Variants in DOCK3 observed in about 807,000 individuals in gnomAD.
DOCK3 encodes dedicator of cytokinesis protein 3.
DOCK3 carries 60 observed loss-of-function variants against 265.6 expected under a neutral mutation model. The ratio of observed to expected loss-of-function variants is 0.23; its 90% CI spans 0.18 to 0.28. The LOEUF is 0.28. Ranked by LOEUF, DOCK3 falls within the 10% of genes least tolerant of loss-of-function variation. The pLI, the probability that DOCK3 is intolerant of heterozygous loss-of-function variation, is 1.00. For synonymous variants in DOCK3, 881 were observed against 938.0 expected (o/e 0.94, Z 1.11); for missense variants, 1,981 against 2,594.3 (o/e 0.76, Z 5.14).
At chr3:50,756,282 CAT>C (rs1344888077) in intron 1 of DOCK3, among the ~76,000 whole-genome samples, 2 of 152,136 alleles carry the variant, frequency 1.3e-5, no homozygotes, top group East Asian at 3.9e-4. Flanking sequence ...CATTTTGCCT[CAT>C]AATGTGCATG....
chr3:51,324,565 A>C (rs537229749), intron 32 of DOCK3, among the ~76,000 whole-genome samples: 19 of 152,336 alleles, frequency 1.2e-4, no homozygotes, highest in African/African-American at 4.3e-4. Flanking sequence ...GAAAAAAACT[A>C]CTTTAAATTT....
At chr3:50,891,778 T>A (rs913543471) in intron 4 of DOCK3, among the ~76,000 whole-genome samples, 2 of 151,712 alleles carry the variant, frequency 1.3e-5, no homozygotes, top group African/African-American at 2.4e-5. Flanking sequence ...AGAAATAGAG[T>A]GCCTTAGAAA....
chr3:51,280,264 G>C, intron 27 of DOCK3, 60 bp downstream of exon 27: 1 of 1,498,820 alleles, frequency 6.7e-7, no homozygotes, highest in African/African-American at 1.4e-5. Context: ...CTCCCCAGGG[G>C]CTTTTTCCCT....
rs2088995326 is a variant in DOCK3 at position 51,204,001 on chromosome 3, T to C, written c.1038-4773T>C. Among the ~76,000 whole-genome samples the C allele has an allele frequency of 3.3e-5, 5 of 151,918 alleles. No individual in the cohort carries two copies. The East Asian group carries it at 5.8e-4, about 18-fold the overall frequency. On this transcript the variant is annotated intron_variant, in intron 12 of 52. Coordinates refer to ENST00000266037, the MANE Select transcript of DOCK3 (RefSeq NM_004947.5). ...AACTGGATCCCTTCCTTACACCTTA[T>C]ACAAAAATCAATTCAAGATGGATTA...
chr3:51,357,721 G>T, intron 44 of DOCK3, 37 bp from the exon 45 acceptor site: 1 of 1,609,864 alleles, frequency 6.2e-7, no homozygotes, highest in South Asian at 1.1e-5. Context: ...TAGTAGTCCT[G>T]GGAAGAGTCT....
chr3:50,979,738 G>C (rs931302303), intron 5 of DOCK3, among the ~76,000 whole-genome samples: 1 of 152,108 alleles, frequency 6.6e-6, no homozygotes, highest in African/African-American at 2.4e-5. Context: ...TTGCTTTCTC[G>C]ATTTCTTCTT....
intron 4 of DOCK3, among the ~76,000 whole-genome samples, chr3:50,904,802 G>A (rs1437196247): frequency 2.0e-5 from 3 of 151,958 alleles, no homozygotes; most frequent in Non-Finnish European, 4.4e-5. Flanking sequence ...GTCTATTTTT[G>A]CTTTTGTTGC....
intron 1 of DOCK3, among the ~76,000 whole-genome samples, chr3:50,768,275 A>C (rs1472059226): frequency 2.0e-5 from 3 of 152,096 alleles, no homozygotes; most frequent in Non-Finnish European, 4.4e-5. Flanking sequence ...AGCTCTTATT[A>C]TTTTGAGATA....
chr3:50,885,557 G>A (rs1168011619), intron 3 of DOCK3, among the ~76,000 whole-genome samples: 1 of 152,092 alleles, frequency 6.6e-6, no homozygotes, highest in Non-Finnish European at 1.5e-5. Context: ...TCACTAGTAT[G>A]CCATTATTTC....
In DOCK3 at chr3:51,104,752, G is replaced by A. The variant is rs561278697; in HGVS notation, c.746+14368G>A. 2.6e-5 allele frequency among the ~76,000 whole-genome samples: 4 copies of A among 152,256 alleles called. No homozygotes were observed. In the South Asian group the frequency reaches 8.3e-4, roughly 32 times the overall value. On this transcript the variant is annotated intron_variant, in intron 9 of 52. Transcript: ENST00000266037. ...GAGTTGCTCAGGGTATTGTCAGAAC[G>A]TCTAGGAGGATTTCCCATTACTTTT...
At chr3:50,680,336 T>C (rs9844369) in intron 1 of DOCK3, among the ~76,000 whole-genome samples, 150,394 of 150,810 alleles carry the variant, frequency 1, 74,995 homozygotes, top group Middle Eastern at 1. Context: ...CTCAGCCTTC[T>C]GAGTAGCTGG....
chr3:50,894,972 T>G (rs1209747671), intron 4 of DOCK3, among the ~76,000 whole-genome samples: 5 of 152,140 alleles, frequency 3.3e-5, no homozygotes, highest in Non-Finnish European at 7.4e-5. Context: ...AATTCCAAAT[T>G]GTTATTCTGA....
chr3:51,229,420 C>T, intron 18 of DOCK3, 92 bp from the exon 19 acceptor site: 1 of 880,662 alleles, frequency 1.1e-6, no homozygotes, highest in Non-Finnish European at 1.6e-6. Flanking sequence ...AACCGCACTC[C>T]AGCCTGGGCA....
At chr3:50,804,789 C>G (rs1029303984) in intron 2 of DOCK3, among the ~76,000 whole-genome samples, 3 of 151,988 alleles carry the variant, frequency 2.0e-5, no homozygotes, top group Admixed American at 6.5e-5. Context: ...GGGAGAAATT[C>G]TTTCTTCTGC....
chr3:51,256,587 G>GTTT (rs369826497), intron 22 of DOCK3, among the ~76,000 whole-genome samples: 1 of 135,590 alleles, frequency 7.4e-6, no homozygotes, highest in African/African-American at 2.8e-5. Flanking sequence ...TTGAGTTTTC[G>GTTT]TTTTTGTTTT....
chr3:51,216,694 G>A (rs2089807425), intron 14 of DOCK3, among the ~76,000 whole-genome samples: 1 of 152,182 alleles, frequency 6.6e-6, no homozygotes, highest in Admixed American at 6.5e-5. Flanking sequence ...ACTGTCAAGA[G>A]TAGGTTTGCA....
At chr3:51,129,938 G>T (rs1166509662) in intron 9 of DOCK3, among the ~76,000 whole-genome samples, 1 of 152,212 alleles carries the variant, frequency 6.6e-6, no homozygotes, top group East Asian at 1.9e-4. Flanking sequence ...TGATAAATGT[G>T]CCGGAGTAAC....
chr3:51,228,619 G>T lies in DOCK3; in HGVS notation c.1648-42G>T, dbSNP rs781215952. On this transcript the variant is annotated intron_variant, in intron 17 of 52. Coordinates refer to ENST00000266037, the MANE Select transcript of DOCK3 (RefSeq NM_004947.5). Reference sequence around the variant, plus strand: ...TCCTAGGACCTGGTTTTTGCATGTTGCATGGCTCAGGGGACATTTTTTTCT... The same window carrying T: ...TCCTAGGACCTGGTTTTTGCATGTTTCATGGCTCAGGGGACATTTTTTTCT... The T allele has an allele frequency of 6.4e-6, 10 of 1,573,580 alleles. No homozygotes were observed. The South Asian group carries it at 1.1e-4, about 17-fold the overall frequency.
intron 27 of DOCK3, among the ~76,000 whole-genome samples, chr3:51,296,970 T>G (rs2082114383): frequency 1.3e-5 from 2 of 151,526 alleles, no homozygotes; most frequent in African/African-American, 4.9e-5. Context: ...ATTTAAAAAT[T>G]AGCCAGGCAT....
Sources: allele counts gnomAD v4.1 joint callset (sites outside exome capture counted in the v4.1 genomes callset), GRCh38; gene constraint gnomAD v4.1.1; transcripts MANE v1.5; gene names NCBI Gene and HGNC (gene_info 2026-07-23, HGNC 2026-07-21).